PKIB: variants seen among roughly 807,000 people sequenced by gnomAD.
PKIB encodes the protein cAMP-dependent protein kinase inhibitor beta.
A neutral mutation model predicts 4.5 loss-of-function variants in PKIB; 2 were observed. The observed-to-expected ratio is 0.44, with a 90% CI of 0.18 to 1.39. PKIB has a LOEUF of 1.39. Ranked by LOEUF, PKIB falls within the 40% of genes most tolerant of loss-of-function variation. PKIB has a pLI of 0.27. For missense variants in PKIB, 94 were observed against 92.6 expected (o/e 1.02, Z -0.06); for synonymous variants, 38 against 36.0 (o/e 1.06, Z -0.20).
chr6:122,577,371 C>G (rs1257397571), intron 2 of PKIB, among the ~76,000 whole-genome samples: 1 of 152,042 alleles, frequency 6.6e-6, no homozygotes, highest in Non-Finnish European at 1.5e-5. Context: ...AATTTGGATT[C>G]ATTTTGTTTG....
chr6:122,520,720 C>A (rs753702490), intron 2 of PKIB, among the ~76,000 whole-genome samples: 2 of 128,588 alleles, frequency 1.6e-5, no homozygotes, highest in African/African-American at 2.9e-5. Flanking sequence ...TGGTTTCAGA[C>A]CGTGAATTTT....
intron 3 of PKIB, among the ~76,000 whole-genome samples, chr6:122,587,604 T>C (rs1469996872): frequency 6.6e-6 from 1 of 152,230 alleles, no homozygotes; most frequent in Non-Finnish European, 1.5e-5. Flanking sequence ...ATTGTCACAC[T>C]GACTTCCACA....
chr6:122,714,656 C>G (rs1204239219), intron 3 of PKIB, among the ~76,000 whole-genome samples: 1 of 152,084 alleles, frequency 6.6e-6, no homozygotes, highest in East Asian at 1.9e-4. Flanking sequence ...TTTTTAACAA[C>G]AGACATTGGG....
chr6:122,652,992 G>A (rs1278907883), intron 2 of PKIB, among the ~76,000 whole-genome samples: 1 of 152,080 alleles, frequency 6.6e-6, no homozygotes, highest in Non-Finnish European at 1.5e-5. Context: ...ACAGAGTGGG[G>A]TCATCCTGAT....
At chr6:122,657,753 A>G (rs1776830084) in intron 2 of PKIB, among the ~76,000 whole-genome samples, 1 of 152,228 alleles carries the variant, frequency 6.6e-6, no homozygotes, top group Admixed American at 6.5e-5. Flanking sequence ...AAAGATATGG[A>G]AGCAATCCAA....
At chr6:122,642,687 T>G (rs2114853200) in intron 2 of PKIB, among the ~76,000 whole-genome samples, 1 of 152,340 alleles carries the variant, frequency 6.6e-6, no homozygotes, top group African/African-American at 2.4e-5. Context: ...GTCCTACAGT[T>G]GTCTTGATTT....
chr6:122,651,686 C>T (rs1776560405), intron 2 of PKIB, among the ~76,000 whole-genome samples: 1 of 152,164 alleles, frequency 6.6e-6, no homozygotes, highest in Non-Finnish European at 1.5e-5. Context: ...CAGCAACACA[C>T]AGTGTGAGAG....
chr6:122,592,651 A>G (rs1774053957), intron 3 of PKIB, among the ~76,000 whole-genome samples: 1 of 152,184 alleles, frequency 6.6e-6, no homozygotes, highest in African/African-American at 2.4e-5. Flanking sequence ...AAACACTAAG[A>G]TTATGGTGCA....
rs536744665 is a variant in PKIB at position 122,541,394 on chromosome 6, T to C, written c.-247-44527T>C. On this transcript the variant is annotated intron_variant, in intron 2 of 6. Transcript: ENST00000392491. The stretch of plus-strand genomic sequence containing the variant: ...GCAGGCCTGGTGGTGACAAAATCTC[T>C]CAGCATTTGCTTGTCTGTAAAGTAT... 3.4e-4 allele frequency among the ~76,000 whole-genome samples: 52 copies of C among 151,742 alleles called. No individual in the cohort carries two copies. In the South Asian group the frequency reaches 8.1e-3, roughly 24 times the overall value.
intron 2 of PKIB, among the ~76,000 whole-genome samples, chr6:122,544,018 A>G (rs1015952035): frequency 3.3e-5 from 5 of 152,046 alleles, no homozygotes; most frequent in African/African-American, 9.7e-5. Context: ...AACCACAGCA[A>G]TAATATTCAT....
intron 3 of PKIB, among the ~76,000 whole-genome samples, chr6:122,590,501 C>T (rs903125232): frequency 6.6e-6 from 1 of 152,158 alleles, no homozygotes; most frequent in African/African-American, 2.4e-5. Context: ...AAGCAATTAG[C>T]TCTGCAAGTG....
chr6:122,690,007 C>T (rs1008746595), intron 3 of PKIB, among the ~76,000 whole-genome samples: 1 of 151,602 alleles, frequency 6.6e-6, no homozygotes, highest in Non-Finnish European at 1.5e-5. Context: ...CATTATATGA[C>T]CTTTGTTTCT....
chr6:122,685,767 C>G lies in PKIB; in HGVS notation c.-9+10623C>G, dbSNP rs1582810673. ...CTTATTCTTTCTATATTTTTTTGTACCCATTAACCATCCTTTACTACCATC... is the reference window on the plus strand; with the variant it reads ...CTTATTCTTTCTATATTTTTTTGTAGCCATTAACCATCCTTTACTACCATC... On this transcript the variant is annotated intron_variant, in intron 3 of 4. Transcript: ENST00000368452. Among the ~76,000 whole-genome samples, 3 of 152,042 alleles carry G rather than the reference C, an allele frequency of 2.0e-5. No individual in the cohort carries two copies. The South Asian group carries it at 6.2e-4, about 32-fold the overall frequency.
intron 1 of PKIB, among the ~76,000 whole-genome samples, chr6:122,627,821 C>G (rs1562276147): frequency 6.6e-6 from 1 of 151,952 alleles, no homozygotes; most frequent in African/African-American, 2.4e-5. Flanking sequence ...ATAAAGAAAA[C>G]TTCTTTTTAT....
chr6:122,622,604 G>A (rs1308432012), intron 1 of PKIB, among the ~76,000 whole-genome samples: 4 of 152,150 alleles, frequency 2.6e-5, no homozygotes, highest in Non-Finnish European at 4.4e-5. Context: ...TAGGTCAGAC[G>A]CAGCCCTGTT....
At chr6:122,565,195 T>C (rs1773148656) in intron 2 of PKIB, among the ~76,000 whole-genome samples, 1 of 152,206 alleles carries the variant, frequency 6.6e-6, no homozygotes, top group South Asian at 2.1e-4. Context: ...AAATTGGAGT[T>C]ACTGTCATTT....
chr6:122,596,148 G>C (rs1774169662), intron 3 of PKIB, among the ~76,000 whole-genome samples: 1 of 152,216 alleles, frequency 6.6e-6, no homozygotes, highest in African/African-American at 2.4e-5. Context: ...ACTGCTCGAA[G>C]TTCTGCCCAC....
intron 2 of PKIB, among the ~76,000 whole-genome samples, chr6:122,515,859 G>A (rs1177580236): frequency 2.6e-5 from 4 of 152,170 alleles, no homozygotes; most frequent in African/African-American, 9.6e-5. Flanking sequence ...GGGACTACAG[G>A]CTCGCACCAC....
chr6:122,535,418 A>G (rs530443940), intron 2 of PKIB, among the ~76,000 whole-genome samples: 1 of 152,312 alleles, frequency 6.6e-6, no homozygotes, highest in African/African-American at 2.4e-5. Flanking sequence ...ATTCTTTACT[A>G]TTTTATTAGT....
Sources: gnomAD v4.1 joint callset for allele counts (sites outside exome capture counted in the v4.1 genomes callset) on GRCh38, gnomAD v4.1.1 for gene constraint, MANE v1.5 for transcripts, NCBI Gene and HGNC (gene_info 2026-07-23, HGNC 2026-07-21) for gene names.